Variants in CSRNP3 observed in about 807,000 individuals in gnomAD.
CSRNP3 encodes cysteine/serine-rich nuclear protein 3.
Under a neutral mutation model 48.0 loss-of-function variants are expected in CSRNP3, and 12 were observed. That is an observed-to-expected ratio of 0.25 (90% CI 0.16 to 0.41). CSRNP3 has a LOEUF of 0.41. CSRNP3 is among the 10% of genes least tolerant of loss of function. CSRNP3 has a pLI of 1.00. For synonymous variants in CSRNP3, 263 were observed against 269.7 expected (o/e 0.98, Z 0.24); for missense variants, 580 against 724.4 (o/e 0.80, Z 2.29).
intron 3 of CSRNP3, among the ~76,000 whole-genome samples, chr2:165,519,965 A>G (rs1684629799): frequency 6.6e-6 from 1 of 152,174 alleles, no homozygotes; most frequent in South Asian, 2.1e-4. Flanking sequence ...CCCACTAAAA[A>G]CAAGGATGAT....
intron 3 of CSRNP3, among the ~76,000 whole-genome samples, chr2:165,580,863 TG>T (rs373330482): frequency 7.6e-4 from 98 of 128,328 alleles, no homozygotes; most frequent in African/African-American, 2.2e-3. Flanking sequence ...ATGTGTGTTT[TG>T]TTTTTTTTTT....
rs1553478328 is a variant in CSRNP3, at chr2:165,599,283, G to GAGAGAAAGAAAGAAAGAA, written c.148+4073_148+4074insGAAAGAAAGAAAGAAAGA. The stretch of plus-strand genomic sequence containing the variant: ...AAAGAAAAAGAAAGAAAGAGAGAGA[G>GAGAGAAAGAAAGAAAGAA]AGAAAGAAAGAAAGAAAGAAAGAAA... On this transcript the variant is annotated intron_variant, in intron 4 of 6. Transcript: ENST00000651982. 1.9e-4 allele frequency among the ~76,000 whole-genome samples: 20 copies of GAGAGAAAGAAAGAAAGAA among 104,834 alleles called. No homozygotes were observed. In the East Asian group the frequency reaches 3.5e-3, roughly 18 times the overall value. 68.8% of individuals were successfully genotyped at this position (104,834 alleles called of 152,430 possible). A position where few individuals can be genotyped will look rare whatever the true frequency, so the allele number is the denominator to read the frequency against.
At chr2:165,574,512 G>A (rs1488357173) in intron 3 of CSRNP3, 11 of 907,302 alleles carry the variant, frequency 1.2e-5, no homozygotes, top group South Asian at 1.8e-5. Context: ...ATTCATCGTG[G>A]CAATTGGCAG....
chr2:165,547,368 A>C (rs1685044400), intron 3 of CSRNP3, among the ~76,000 whole-genome samples: 1 of 152,172 alleles, frequency 6.6e-6, no homozygotes, highest in Non-Finnish European at 1.5e-5. Context: ...ATAATGCCAA[A>C]TTACTGAACA....
intron 4 of CSRNP3, among the ~76,000 whole-genome samples, chr2:165,651,802 C>T (rs1686915261): frequency 6.6e-6 from 1 of 151,862 alleles, no homozygotes; most frequent in Non-Finnish European, 1.5e-5. Context: ...ATTACAGGCA[C>T]CTACCACCAA....
intron 4 of CSRNP3, among the ~76,000 whole-genome samples, chr2:165,620,379 C>T (rs1480848363): frequency 6.6e-6 from 1 of 152,096 alleles, no homozygotes; most frequent in Non-Finnish European, 1.5e-5. Context: ...CACTTAATTA[C>T]AGGTCCAAAG....
At chr2:165,644,380 G>T (rs1573940144) in intron 4 of CSRNP3, among the ~76,000 whole-genome samples, 1 of 152,268 alleles carries the variant, frequency 6.6e-6, no homozygotes, top group East Asian at 1.9e-4. Context: ...CTTCAGGGGA[G>T]AACTGTTGAA....
At chr2:165,613,464 T>C (rs1686173841) in intron 4 of CSRNP3, among the ~76,000 whole-genome samples, 1 of 152,174 alleles carries the variant, frequency 6.6e-6, no homozygotes, top group East Asian at 1.9e-4. Flanking sequence ...ACCCATGAAC[T>C]CTTTCCTTAG....
chr2:165,647,281 T>C (rs1686829527), intron 4 of CSRNP3, among the ~76,000 whole-genome samples: 1 of 152,252 alleles, frequency 6.6e-6, no homozygotes, highest in Non-Finnish European at 1.5e-5. Context: ...AAATTCAGAC[T>C]TTAAATCGAT....
chr2:165,578,159 C>A (rs906516609), intron 3 of CSRNP3, among the ~76,000 whole-genome samples: 1 of 151,970 alleles, frequency 6.6e-6, no homozygotes, highest in Non-Finnish European at 1.5e-5. Context: ...TCATTGGTGC[C>A]ATATACTTCT....
In CSRNP3 at chr2:165,530,097, A is replaced by G. The variant is rs1039475543; in HGVS notation, c.-24+12136A>G. 3.3e-5 allele frequency among the ~76,000 whole-genome samples: 5 copies of G among 152,314 alleles called. No individual in the cohort carries two copies. The East Asian group carries it at 9.6e-4, about 29-fold the overall frequency. On this transcript the variant is annotated intron_variant, in intron 3 of 6. Coordinates refer to ENST00000651982, the MANE Select transcript of CSRNP3 (RefSeq NM_001172173.2). The stretch of plus-strand genomic sequence containing the variant: ...AACATTGTCATAGACTAGAAGATCT[A>G]TGAGGATTTATAAAAGGGAGTAGTT...
intron 2 of CSRNP3, among the ~76,000 whole-genome samples, chr2:165,501,741 G>A (rs557931553): frequency 3.9e-5 from 6 of 152,120 alleles, no homozygotes; most frequent in South Asian, 2.1e-4. Flanking sequence ...TAAGTATAAC[G>A]TGAGTCAACT....
At chr2:165,627,126 C>G (rs1686449183) in intron 4 of CSRNP3, among the ~76,000 whole-genome samples, 1 of 152,128 alleles carries the variant, frequency 6.6e-6, no homozygotes, top group Non-Finnish European at 1.5e-5. Context: ...TCCCCTTTTC[C>G]CACTCAATAT....
chr2:165,570,266 A>G (rs561608725), intron 3 of CSRNP3, among the ~76,000 whole-genome samples: 1 of 152,096 alleles, frequency 6.6e-6, no homozygotes, highest in East Asian at 1.9e-4. Flanking sequence ...ATCCACCTTT[A>G]AATATCTTTT....
chr2:165,536,378 T>C (rs948854695), intron 3 of CSRNP3, among the ~76,000 whole-genome samples: 13 of 151,806 alleles, frequency 8.6e-5, no homozygotes, highest in African/African-American at 2.9e-4. Flanking sequence ...TTCCTAAGAG[T>C]TGATCTGACT....
intron 1 of CSRNP3, among the ~76,000 whole-genome samples, chr2:165,471,866 A>G (rs961731378): frequency 6.6e-6 from 1 of 151,982 alleles, no homozygotes; most frequent in Admixed American, 6.6e-5. Context: ...AAGAGAGAAA[A>G]AAAAAGCATG....
intron 3 of CSRNP3, among the ~76,000 whole-genome samples, chr2:165,561,123 T>A (rs1043036793): frequency 6.6e-6 from 1 of 152,154 alleles, no homozygotes; most frequent in African/African-American, 2.4e-5. Context: ...AAAATTTAAA[T>A]TTTTCTGCAG....
At chr2:165,546,852 C>CT (rs919709184) in intron 3 of CSRNP3, among the ~76,000 whole-genome samples, 1 of 152,118 alleles carries the variant, frequency 6.6e-6, no homozygotes, top group African/African-American at 2.4e-5. Flanking sequence ...ATTACTTATA[C>CT]TTTTTTCTAA....
chr2:165,536,538 G>A (rs893213373), intron 3 of CSRNP3, among the ~76,000 whole-genome samples: 2 of 151,814 alleles, frequency 1.3e-5, no homozygotes, highest in Non-Finnish European at 2.9e-5. Flanking sequence ...AGTAAATAAC[G>A]ATGGTCTCTA....
Sources: gnomAD v4.1 joint callset for allele counts (sites outside exome capture counted in the v4.1 genomes callset) on GRCh38, gnomAD v4.1.1 for gene constraint, MANE v1.5 for transcripts, NCBI Gene and HGNC (gene_info 2026-07-23, HGNC 2026-07-21) for gene names.